Variants in ATP10A observed in about 807,000 individuals in gnomAD.
ATP10A encodes the protein ATPase phospholipid transporting 10A (putative).
In ATP10A, 111 loss-of-function variants were observed where a neutral mutation model predicts 147.8. The observed-to-expected ratio is 0.75, with a 90% CI of 0.64 to 0.88. The LOEUF (loss-of-function observed/expected upper bound fraction) is 0.88. Among genes scored for constraint, ATP10A ranks in the 40% least tolerant of loss-of-function variants. The pLI, the probability that ATP10A is intolerant of heterozygous loss-of-function variation, is 0.00. For missense variants in ATP10A, 1,927 were observed against 1,959.0 expected, an observed-to-expected ratio of 0.98 and a Z score of 0.31; for synonymous variants, 875 against 841.6, an observed-to-expected ratio of 1.04 and a Z score of -0.69.
At chr15:25,702,975 T>C (rs1211711831) in intron 12 of ATP10A, among the ~76,000 whole-genome samples, 1 of 152,076 alleles carries the variant, frequency 6.6e-6, no homozygotes, top group Non-Finnish European at 1.5e-5. Context: ...AGTGTGGTAG[T>C]ATTAGGATGT....
At chr15:25,847,578 T>C (rs533300482) in intron 1 of ATP10A, among the ~76,000 whole-genome samples, 13 of 146,014 alleles carry the variant, frequency 8.9e-5, no homozygotes, top group Non-Finnish European at 1.6e-4. Context: ...AGCTATTCCA[T>C]ATATTCCTAG....
At chr15:25,791,259 AC>A (rs535308872) in intron 1 of ATP10A, among the ~76,000 whole-genome samples, 72 of 121,702 alleles carry the variant, frequency 5.9e-4, no homozygotes, top group African/African-American at 2.0e-3. Flanking sequence ...CAGGACATCT[AC>A]TTTTCTTTTA....
chr15:25,748,684 A>G (rs148128822), intron 2 of ATP10A, among the ~76,000 whole-genome samples: 6 of 152,288 alleles, frequency 3.9e-5, no homozygotes, highest in African/African-American at 1.4e-4. Context: ...CTAAAAAGGT[A>G]GAAATAATGC....
downstream of ATP10A, among the ~76,000 whole-genome samples, chr15:25,674,086 G>A (rs1899092529): frequency 6.6e-6 from 1 of 152,220 alleles, no homozygotes; most frequent in African/African-American, 2.4e-5. Context: ...CTTGGTGTGT[G>A]TCCCCAGCCT....
intron 1 of ATP10A, among the ~76,000 whole-genome samples, chr15:25,821,238 A>T (rs1891866161): frequency 6.6e-6 from 1 of 152,088 alleles, no homozygotes; most frequent in Non-Finnish European, 1.5e-5. Context: ...CTACAAAAAA[A>T]GTTACCTGGG....
chr15:25,723,792 T>C (rs1282052004), intron 6 of ATP10A, 99 bp downstream of exon 6: 3 of 1,139,554 alleles, frequency 2.6e-6, no homozygotes, highest in African/African-American at 1.6e-5. Context: ...GCCATCTTCC[T>C]AGATGCAGAA....
intron 1 of ATP10A, among the ~76,000 whole-genome samples, chr15:25,833,487 G>A (rs1300835099): frequency 6.6e-6 from 1 of 152,094 alleles, no homozygotes; most frequent in Non-Finnish European, 1.5e-5. Context: ...TTTATTTAAA[G>A]AGCAGTTTGA....
At chr15:25,702,394 A>G (rs1900721572) in intron 12 of ATP10A, among the ~76,000 whole-genome samples, 1 of 152,234 alleles carries the variant, frequency 6.6e-6, no homozygotes, top group African/African-American at 2.4e-5. Flanking sequence ...ACTTACACCA[A>G]AGTACCTCAA....
chr15:25,853,692 C>T (rs1893387328), intron 1 of ATP10A, among the ~76,000 whole-genome samples: 1 of 151,990 alleles, frequency 6.6e-6, no homozygotes, highest in Non-Finnish European at 1.5e-5. Flanking sequence ...ACAATCACCA[C>T]AATGAATGAC....
chr15:25,732,570 T>TTTTTTTTTC (rs1887004554), intron 3 of ATP10A, among the ~76,000 whole-genome samples: 1 of 128,332 alleles, frequency 7.8e-6, no homozygotes, highest in Non-Finnish European at 1.8e-5. Context: ...TTTTTTTTTT[T>TTTTTTTTTC]TTTGAGATGG....
chr15:25,747,842 C>T (rs887946938), intron 2 of ATP10A, among the ~76,000 whole-genome samples: 2 of 152,108 alleles, frequency 1.3e-5, no homozygotes, highest in African/African-American at 2.4e-5. Flanking sequence ...TAAACTCTTC[C>T]AGTAGTGAGA....
chr15:25,781,535 G>T (rs1237081002), intron 1 of ATP10A, among the ~76,000 whole-genome samples: 1 of 151,956 alleles, frequency 6.6e-6, no homozygotes, highest in Non-Finnish European at 1.5e-5. Flanking sequence ...CGTGCCTGTA[G>T]TCCCAGCTAC....
intron 16 of ATP10A, among the ~76,000 whole-genome samples, chr15:25,684,526 C>T (rs571863087): frequency 2.0e-5 from 3 of 152,254 alleles, no homozygotes; most frequent in South Asian, 4.2e-4. Context: ...CGTTAGTTCC[C>T]TTGTTTGGGA....
intron 3 of ATP10A, among the ~76,000 whole-genome samples, chr15:25,734,400 C>A (rs1478513381): frequency 1.3e-5 from 2 of 152,220 alleles, no homozygotes; most frequent in African/African-American, 4.8e-5. Flanking sequence ...AGGGATACCA[C>A]TGAACATTCT....
chr15:25,685,361 C>G (rs1034601940), intron 16 of ATP10A, among the ~76,000 whole-genome samples: 1 of 152,180 alleles, frequency 6.6e-6, no homozygotes, highest in African/African-American at 2.4e-5. Context: ...GGGAGGGACT[C>G]ATCGCAGCAG....
At chr15:25,779,845 A>AACACACACACACACACACACAC (rs56111172) in intron 2 of ATP10A, among the ~76,000 whole-genome samples, 9 of 147,378 alleles carry the variant, frequency 6.1e-5, no homozygotes, top group Middle Eastern at 3.5e-3. Context: ...AGAAGGTTAA[A>AACACACACACACACACACACAC]ACACACACAC....
chr15:25,836,248 G>A (rs1287293818), intron 1 of ATP10A, among the ~76,000 whole-genome samples: 1 of 152,162 alleles, frequency 6.6e-6, no homozygotes, highest in Non-Finnish European at 1.5e-5. Flanking sequence ...CAGCCTGGGA[G>A]TATTCTACTT....
At chr15:25,747,578 C>T (rs1368248565) in intron 2 of ATP10A, among the ~76,000 whole-genome samples, 2 of 151,902 alleles carry the variant, frequency 1.3e-5, no homozygotes, top group Admixed American at 1.3e-4. Flanking sequence ...CTACATACAT[C>T]AACAGGTTAA....
At chr15:25,828,444 G>C (rs1358534245) in intron 1 of ATP10A, among the ~76,000 whole-genome samples, 2 of 152,152 alleles carry the variant, frequency 1.3e-5, no homozygotes, top group Non-Finnish European at 2.9e-5. Context: ...ATACTAAGTA[G>C]GCTCTTGGAA....
Sources: gnomAD v4.1 joint callset for allele counts (sites outside exome capture counted in the v4.1 genomes callset) on GRCh38, gnomAD v4.1.1 for gene constraint, MANE v1.5 for transcripts, NCBI Gene and HGNC (gene_info 2026-07-23, HGNC 2026-07-21) for gene names.